The following ALOX15B variants were observed in gnomAD, a reference collection of about 807,000 sequenced individuals.
ALOX15B encodes the protein arachidonate 15-lipoxygenase type B.
In ALOX15B, 74 loss-of-function variants were observed where a neutral mutation model predicts 73.8. That is an observed-to-expected ratio of 1.00 (90% confidence interval 0.83 to 1.22). The LOEUF (loss-of-function observed/expected upper bound fraction) is 1.22. Among genes scored for constraint, ALOX15B ranks in the 50% most tolerant of loss-of-function variants. The pLI is 0.00. For missense variants in ALOX15B, 896 were observed against 859.9 expected (o/e 1.04, Z -0.52); for synonymous variants, 353 against 357.2 (o/e 0.99, Z 0.13).
intron 2 of ALOX15B, 132 bp from the exon 3 acceptor site, chr17:8,039,770 C>A: frequency 8.4e-7 from 1 of 1,193,986 alleles, no homozygotes; most frequent in Non-Finnish European, 1.2e-6. Flanking sequence ...GAGGTAGCAG[C>A]CTGGTGTAGG....
In ALOX15B at chr17:8,040,656, G is replaced by GAA. The variant is rs1193482623; in HGVS notation, c.449+675_449+676dup. 2.5e-5 allele frequency among the ~76,000 whole-genome samples: 3 copies of GAA among 118,476 alleles called. No homozygotes were observed. In the South Asian group the frequency reaches 8.8e-4, roughly 35 times the overall value. 77.7% of individuals were successfully genotyped at this position (118,476 alleles called of 152,430 possible). A position where few individuals can be genotyped will look rare whatever the true frequency, so the allele number is the denominator to read the frequency against. ...GAAAGAAAGAAAGAAAGAAAGAAAA[G>GAA]AAAGAGAAAGAAACTGCTTTAAATG... On this transcript the variant is annotated intron_variant, in intron 3 of 13. Coordinates refer to ENST00000380183, the MANE Select transcript of ALOX15B (RefSeq NM_001141.3).
chr17:8,047,567 T>C lies in ALOX15B; in HGVS notation c.1583T>C (p.Ile528Thr), dbSNP rs1382112514. The change falls in exon 12 of 14, where the codon ATA (isoleucine) becomes ACA (threonine). Residue 528 changes from isoleucine to threonine, a missense_variant. Coordinates refer to ENST00000380183, the MANE Select transcript of ALOX15B (RefSeq NM_001141.3). ...KGFLNQESSG[I>T]PSSLETREAL... is the part of the protein sequence containing the mutation. ...CCCAGCCCAGCTCTCCTTGCAGGTATACCCTCCTCACTGGAGACCCGGGAA... is the reference window on the plus strand; with the variant it reads ...CCCAGCCCAGCTCTCCTTGCAGGTACACCCTCCTCACTGGAGACCCGGGAA... 1 of 1,601,268 alleles carries C rather than the reference T, an allele frequency of 6.2e-7. No homozygotes were observed. The highest frequency in any genetic ancestry group is 8.5e-7 in the Non-Finnish European group (1 of 1,173,898).
intron 3 of ALOX15B, among the ~76,000 whole-genome samples, chr17:8,040,654 A>AAGAAAG (rs1567969739): frequency 6.7e-6 from 1 of 150,076 alleles, no homozygotes; most frequent in African/African-American, 2.4e-5. Flanking sequence ...AAAGAAAGAA[A>AAGAAAG]AGAAAGAGAA....
chr17:8,045,167 C>G (rs1471407729), intron 6 of ALOX15B, 71 bp from the exon 7 acceptor site: 8 of 1,608,442 alleles, frequency 5.0e-6, no homozygotes, highest in Middle Eastern at 3.4e-4. Context: ...CCTGAATCCT[C>G]TCCCTTCTAC....
At chr17:8,043,178 A>G (rs1464818055) in intron 5 of ALOX15B, among the ~76,000 whole-genome samples, 1 of 152,210 alleles carries the variant, frequency 6.6e-6, no homozygotes, top group African/African-American at 2.4e-5. Flanking sequence ...GGTGTTAATT[A>G]GACTCAAAAT....
rs367623091 is a variant in ALOX15B, at chr17:8,039,272, C to T, written c.117C>T (p.Asp39=). The T allele has an allele frequency of 3.1e-6, 5 of 1,591,340 alleles. No individual in the cohort carries two copies. In the African/African-American group the frequency reaches 6.7e-5, roughly 21 times the overall value. The change falls in exon 1 of 14, where the codon GAC becomes GAT. Residue 39 remains aspartate, a synonymous_variant. Transcript: ENST00000380183. The part of the protein sequence containing the change: ...TRGESPPLPL[D]NLGKEFTAGA... ...GAGAGAGCCCCCCACTGCCCCTGGA[C>T]AATCTCGGCAAGGAGTTCACTGCGG...
chr17:8,041,902 A>G (rs1421041806), intron 3 of ALOX15B, among the ~76,000 whole-genome samples: 3 of 152,230 alleles, frequency 2.0e-5, no homozygotes, highest in African/African-American at 7.2e-5. Flanking sequence ...GGACTTCTAT[A>G]GTTGCAAGAA....
At chr17:8,046,621 A>C (rs73245812) in intron 8 of ALOX15B, 47 bp from the exon 9 acceptor site, 75,094 of 1,579,644 alleles carry the variant, frequency 0.048, 1,972 homozygotes, top group African/African-American at 0.071. Flanking sequence ...GTCTGGGGCC[A>C]GAACAACCCA....
At chr17:8,047,473 G>C (rs373758958) in intron 11 of ALOX15B, 91 bp from the exon 12 acceptor site, 4 of 1,406,540 alleles carry the variant, frequency 2.8e-6, no homozygotes, top group South Asian at 1.2e-5. Flanking sequence ...CCCCGTCCCC[G>C]TGTCCCCCAC....
At chr17:8,048,044 G>A in intron 13 of ALOX15B, 129 bp downstream of exon 13, 2 of 1,111,734 alleles carry the variant, frequency 1.8e-6, no homozygotes, top group South Asian at 3.1e-5. Context: ...CCCTCCAGTG[G>A]GACACATGAG....
chr17:8,046,123 C>A (rs367664472), intron 8 of ALOX15B, among the ~76,000 whole-genome samples: 4 of 152,228 alleles, frequency 2.6e-5, no homozygotes, highest in South Asian at 2.1e-4. Context: ...TTCGAGGCAT[C>A]TCCTCTGTGA....
Position 8,045,548 on chromosome 17 carries a change from G to A in ALOX15B, c.1062G>A (p.Leu354=). Residue 354 remains leucine (L), a synonymous_variant, in exon 8 of 14, where the codon TTG becomes TTA. Coordinates refer to ENST00000380183, the MANE Select transcript of ALOX15B (RefSeq NM_001141.3). The stretch of plus-strand genomic sequence containing the variant: ...CCACTGATGACAAGTGGGACTGGTT[G>A]CTGGCCAAGACCTGGGTGCGCAATG... ...FLPTDDKWDW[L]LAKTWVRNAE... The A allele has an allele frequency of 6.2e-7, 1 of 1,614,176 alleles. No individual in the cohort carries two copies. Among genetic ancestry groups the A allele is most frequent in the Middle Eastern group, 1.6e-4 (1 of 6,062 alleles).
At chr17:8,040,611 G>GAAAGAAAGAAAGAA (rs1976423266) in intron 3 of ALOX15B, among the ~76,000 whole-genome samples, 1 of 119,742 alleles carries the variant, frequency 8.4e-6, no homozygotes, top group African/African-American at 2.9e-5. Flanking sequence ...GAGAAAGAAA[G>GAAAGAAAGAAAGAA]AAAGAAAGAA....
At chr17:8,045,207 G>A in intron 6 of ALOX15B, 31 bp from the exon 7 acceptor site, 1 of 1,613,432 alleles carries the variant, frequency 6.2e-7, no homozygotes. Context: ...AGAAAACCAG[G>A]TGGCAGCCCC....
Position 8,042,432 on chromosome 17 carries a change from G to A in ALOX15B, c.513G>A (p.Glu171=). The A allele has an allele frequency of 6.2e-7, 1 of 1,614,104 alleles. No homozygotes were observed. Among genetic ancestry groups the A allele is most frequent in the Non-Finnish European group, 8.5e-7 (1 of 1,180,018 alleles). Residue 171 remains glutamate, a synonymous_variant, in exon 4 of 14, where the codon GAG becomes GAA. Coordinates refer to ENST00000380183, the MANE Select transcript of ALOX15B (RefSeq NM_001141.3). ...CLDEKTVEDL[E]LNIKYSTAKN... ...ATGAAAAGACAGTGGAAGACTTGGA[G>A]CTCAATATCAAATACTCCACAGCCA...
chr17:8,048,484 C>T lies in ALOX15B; in HGVS notation c.1950C>T (p.Gly650=). The change falls in exon 14 of 14, where the codon GGC becomes GGT. Residue 650 remains glycine (G), a synonymous_variant. Transcript: ENST00000380183. ...FQSRLAQISR[G]IQERNQGLVL... ...GCCGCCTGGCCCAGATCTCGAGGGG[C>T]ATCCAGGAGCGGAACCAGGGCCTGG... is the stretch of plus-strand genomic sequence containing the variant. 6.2e-7 allele frequency: 1 copy of T among 1,614,134 alleles called. No homozygotes were observed. The highest frequency in any genetic ancestry group is 1.1e-5 in the South Asian group (1 of 91,086).
intron 3 of ALOX15B, 123 bp from the exon 4 acceptor site, chr17:8,042,246 G>A (rs1746338647): frequency 8.1e-7 from 1 of 1,231,522 alleles, no homozygotes; most frequent in African/African-American, 1.5e-5. Flanking sequence ...CTCCCAGGAG[G>A]GCCCTCTTGG....
In ALOX15B at chr17:8,042,806, T is replaced by A; in HGVS notation, c.598T>A (p.Leu200Met). ...TTTTGCAGAGATGAAAATCAAGGGGTTGCTGGACCGCAAGGGGCTCTGGAG... is the reference window on the plus strand; with the variant it reads ...TTTTGCAGAGATGAAAATCAAGGGGATGCTGGACCGCAAGGGGCTCTGGAG... ...SAFAEMKIKG[L>M]LDRKGLWRSL... Residue 200 changes from leucine (L) to methionine (M), a missense_variant, in exon 5 of 14, where the codon TTG (leucine) becomes ATG (methionine). By Grantham distance (15) the Leu-to-Met change is conservative (BLOSUM62 2). Coordinates refer to ENST00000380183, the MANE Select transcript of ALOX15B (RefSeq NM_001141.3). The A allele has an allele frequency of 6.4e-7, 1 of 1,558,128 alleles. No homozygotes were observed. Among genetic ancestry groups the A allele is most frequent in the Non-Finnish European group, 8.7e-7 (1 of 1,151,128 alleles).
At chr17:8,046,216 G>C (rs1021210461) in intron 8 of ALOX15B, among the ~76,000 whole-genome samples, 3 of 152,254 alleles carry the variant, frequency 2.0e-5, no homozygotes, top group African/African-American at 7.2e-5. Flanking sequence ...CTGGGTCCCA[G>C]ATGCGGGCCC....
Sources: allele counts gnomAD v4.1 joint callset (sites outside exome capture counted in the v4.1 genomes callset), GRCh38; gene constraint gnomAD v4.1.1; transcripts MANE v1.5; gene names NCBI Gene and HGNC (gene_info 2026-07-23, HGNC 2026-07-21).